CYP4F11: variants seen among roughly 807,000 people sequenced by gnomAD.
CYP4F11 encodes the protein cytochrome P450 family 4 subfamily F member 11.
Under a neutral mutation model 62.2 loss-of-function variants are expected in CYP4F11, and 79 were observed. The ratio of observed to expected loss-of-function variants is 1.27; its 90% CI spans 1.06 to 1.53. The LOEUF (loss-of-function observed/expected upper bound fraction) is 1.53, where lower values mean the gene tolerates loss of function less well. Among genes scored for constraint, CYP4F11 ranks in the 40% most tolerant of loss-of-function variants. The probability of loss-of-function intolerance (pLI) is 0.00; values close to 1 mark genes in which losing one functional copy is unlikely to be tolerated. For missense variants in CYP4F11, 777 were observed against 680.5 expected (o/e 1.14, Z -1.58); for synonymous variants, 290 against 263.7 (o/e 1.10, Z -0.97).
At chr19:15,920,405 G>A (rs1355718021) in intron 8 of CYP4F11, among the ~76,000 whole-genome samples, 2 of 152,186 alleles carry the variant, frequency 1.3e-5, no homozygotes, top group Non-Finnish European at 2.9e-5. Flanking sequence ...GAAAACCATT[G>A]ATGATGGAAA....
chr19:15,926,220 G>A (rs969710254), intron 4 of CYP4F11, among the ~76,000 whole-genome samples: 18 of 151,312 alleles, frequency 1.2e-4, no homozygotes, highest in African/African-American at 2.2e-4. Context: ...TCCATGCACC[G>A]TACTGCATAA....
At position 15,927,481 on chromosome 19, in the gene CYP4F11, C is replaced by T. The variant is rs746553447; in HGVS notation, c.346G>A (p.Ala116Thr). ...AAAATCATATCCTTGGGTGCGACAGCAGCTGACATGATTGAGGACCATCAG... is the reference window on the plus strand; with the variant it reads ...AAAATCATATCCTTGGGTGCGACAGTAGCTGACATGATTGAGGACCATCAG... ...IIRPITSASA[A>T]VAPKDMIFYG... Residue 116 changes from alanine to threonine, a missense_variant and splice_region_variant, in exon 3 of 12, where the codon GCT becomes ACT. Ala to Thr is a moderately conservative substitution (Grantham distance 58). Coordinates refer to ENST00000402119, the MANE Select transcript of CYP4F11 (RefSeq NM_021187.4). The T allele has an allele frequency of 6.2e-7, 1 of 1,614,132 alleles. No homozygotes were observed. Among genetic ancestry groups the T allele is most frequent in the Non-Finnish European group, 8.5e-7 (1 of 1,180,030 alleles).
Position 15,934,290 on chromosome 19 carries a change from G to C in CYP4F11, c.119C>G (p.Thr40Ser). 6.2e-7 allele frequency: 1 copy of C among 1,613,864 alleles called. No individual in the cohort carries two copies. The highest frequency in any genetic ancestry group is 8.5e-7 in the Non-Finnish European group (1 of 1,179,846). Reference sequence around the variant, plus strand: ...GAGGCGGCGGCAGTTGTCATAGAAGGTGTAGGTCCAGGCCAGGACGCGGGC... The same window carrying C: ...GAGGCGGCGGCAGTTGTCATAGAAGCTGTAGGTCCAGGCCAGGACGCGGGC... ...LLARVLAWTY[T>S]FYDNCRRLQC... is the part of the protein sequence containing the mutation. Residue 40 changes from threonine (T) to serine (S), a missense_variant, in exon 1 of 12, where the codon ACC becomes AGC. Thr to Ser is a moderately conservative substitution (Grantham distance 58, BLOSUM62 1). Transcript: ENST00000402119.
intron 11 of CYP4F11, 79 bp downstream of exon 11, chr19:15,914,226 G>T: frequency 1.3e-6 from 2 of 1,488,966 alleles, no homozygotes; most frequent in Non-Finnish European, 1.8e-6. Flanking sequence ...AGCTGGAACT[G>T]GGACCATCTG....
At chr19:15,924,176 T>A (rs1049836225) in intron 5 of CYP4F11, 94 bp from the exon 6 acceptor site, 8 of 1,462,588 alleles carry the variant, frequency 5.5e-6, no homozygotes, top group Admixed American at 2.0e-5. Flanking sequence ...AAATTGAGTA[T>A]CCAGAAACAG....
rs1568257268 is a variant in CYP4F11, at chr19:15,931,543, G to GGAGAAGAATGAGTGAGTGA, written c.199-1943_199-1942insTCACTCACTCATTCTTCTC. ...GGCACATCAGAGGAATGAGTGAGCGGGGAGAGGAATGAGTGAGCGAGGAGA... is the reference window on the plus strand; with the variant it reads ...GGCACATCAGAGGAATGAGTGAGCGGGAGAAGAATGAGTGAGTGAGGAGAGGAATGAGTGAGCGAGGAGA... On this transcript the variant is annotated intron_variant, in intron 1 of 11. Coordinates refer to ENST00000402119, the MANE Select transcript of CYP4F11 (RefSeq NM_021187.4). Among the ~76,000 whole-genome samples the GGAGAAGAATGAGTGAGTGA allele has an allele frequency of 4.5e-4, 31 of 68,806 alleles. 1 individual carries two copies. Among genetic ancestry groups the GGAGAAGAATGAGTGAGTGA allele is most frequent in the Admixed American group, 1.8e-3 (12 of 6,594 alleles). The allele number at this position is 68,806 out of a possible 152,430, so 45.1% of individuals were successfully genotyped here. A position where few individuals can be genotyped will look rare whatever the true frequency, so the allele number is the denominator to read the frequency against.
intron 2 of CYP4F11, among the ~76,000 whole-genome samples, chr19:15,928,924 TAGTACCA>T (rs1378299573): frequency 6.6e-6 from 1 of 152,164 alleles, no homozygotes; most frequent in East Asian, 1.9e-4. Context: ...CAAATCCCCC[TAGTACCA>T]TAGGCTTAGG....
intron 11 of CYP4F11, 133 bp downstream of exon 11, chr19:15,914,172 T>G: frequency 1.6e-6 from 2 of 1,223,634 alleles, no homozygotes; most frequent in Admixed American, 2.1e-5. Flanking sequence ...AAACCCATTC[T>G]GTGAACAGTT....
Position 15,914,788 on chromosome 19 carries a change from A to C in CYP4F11, c.1223T>G (p.Leu408Arg), listed in dbSNP as rs749399448. The C allele has an allele frequency of 3.7e-6, 6 of 1,613,990 alleles. No individual in the cohort carries two copies. In the African/African-American group the frequency reaches 6.7e-5, roughly 18 times the overall value. The change falls in exon 9 of 12, where the codon CTC becomes CGC. Residue 408 changes from leucine (L) to arginine (R), a missense_variant. Coordinates refer to ENST00000402119, the MANE Select transcript of CYP4F11 (RefSeq NM_021187.4). ...ISRCCTQDFV[L>R]PDGRVIPKGI... is the part of the protein sequence containing the mutation. ...TTTGGGGATGACGCGGCCGTCTGGG[A>C]GCACAAAGTCCTGCGTGCAACATCG...
chr19:15,931,175 C>T (rs1224070302), intron 1 of CYP4F11, among the ~76,000 whole-genome samples: 1 of 151,842 alleles, frequency 6.6e-6, no homozygotes, highest in Admixed American at 6.6e-5. Flanking sequence ...AAGGTGCCTC[C>T]AGAAAAGGAG....
rs1568482701 is a variant in CYP4F11 at position 15,921,073 on chromosome 19, TCTCTCTCTC to T, written c.1115+955_1115+963del. On this transcript the variant is annotated intron_variant, in intron 8 of 11. Transcript: ENST00000402119. ...CTTTCTGTCTCTCTCTCTCTCTCTC[TCTCTCTCTC>T]TCTCTCTCTCTCTCTCTCTCTCCCT... 4.1e-4 allele frequency among the ~76,000 whole-genome samples: 4 copies of T among 9,818 alleles called. 1 individual carries two copies. The highest frequency in any genetic ancestry group is 7.5e-4 in the Non-Finnish European group (3 of 3,984). 6.4% of individuals were successfully genotyped at this position (9,818 alleles called of 152,430 possible). A position where few individuals can be genotyped will look rare whatever the true frequency, so the allele number is the denominator to read the frequency against.
At chr19:15,918,933 TA>T (rs34830276) in intron 8 of CYP4F11, among the ~76,000 whole-genome samples, 50,381 of 127,766 alleles carry the variant, frequency 0.39, 8,897 homozygotes, top group Non-Finnish European at 0.44. Context: ...TATGCCATGC[TA>T]AAAAAAAAAA....
rs145256760 is a variant in CYP4F11 at position 15,933,863 on chromosome 19, A to G, written c.198+348T>C. On this transcript the variant is annotated intron_variant, in intron 1 of 11. Coordinates refer to ENST00000402119, the MANE Select transcript of CYP4F11 (RefSeq NM_021187.4). Reference sequence around the variant, plus strand: ...GAGTGAGGAGAGGAATGAGTGAGTGAGCAGAGGAATGAGTGAGCGAGAAGA... The same window carrying G: ...GAGTGAGGAGAGGAATGAGTGAGTGGGCAGAGGAATGAGTGAGCGAGAAGA... 1.2e-3 allele frequency among the ~76,000 whole-genome samples: 28 copies of G among 23,822 alleles called. 9 individuals are homozygous for G. Among genetic ancestry groups the G allele is most frequent in the African/African-American group, 2.2e-3 (22 of 9,962 alleles). 15.6% of individuals were successfully genotyped at this position (23,822 alleles called of 152,430 possible).
Position 15,923,894 on chromosome 19 carries a change from G to C in CYP4F11, c.836C>G (p.Pro279Arg). 6.2e-7 allele frequency: 1 copy of C among 1,614,154 alleles called. No homozygotes were observed. The highest frequency in any genetic ancestry group is 8.5e-7 in the Non-Finnish European group (1 of 1,180,030). Residue 279 changes from proline to arginine, a missense_variant, in exon 6 of 12, where the codon CCC (proline) becomes CGC (arginine). By Grantham distance (103) the Pro-to-Arg change is moderately radical. Transcript: ENST00000402119. ...AVIQERRCTLPTQGIDDFLKN... is the reference protein window; with the variant it reads ...AVIQERRCTLRTQGIDDFLKN... ...GAGGAAATCATCAATACCCTGAGTG[G>C]GGAGGGTGCAGCGCCGCTCCTGGAT...
intron 1 of CYP4F11, among the ~76,000 whole-genome samples, chr19:15,930,497 C>T (rs2089704954): frequency 6.6e-6 from 1 of 152,144 alleles, no homozygotes; most frequent in African/African-American, 2.4e-5. Context: ...GAGGCTGAGG[C>T]AGGAGAATCA....
In CYP4F11 at chr19:15,930,316, C is replaced by G. The variant is rs540529580; in HGVS notation, c.199-715G>C. Among the ~76,000 whole-genome samples the G allele has an allele frequency of 4.6e-5, 7 of 152,262 alleles. No individual in the cohort carries two copies. In the East Asian group the frequency reaches 1.4e-3, roughly 29 times the overall value. ...CCAAGATCCAAAGATAATGGCCGGG[C>G]GTGGTGGCTCATGCCTGTAATCCCA... is the stretch of plus-strand genomic sequence containing the variant. On this transcript the variant is annotated intron_variant, in intron 1 of 11. Coordinates refer to ENST00000402119, the MANE Select transcript of CYP4F11 (RefSeq NM_021187.4).
chr19:15,934,253 A>C lies in CYP4F11; in HGVS notation c.156T>G (p.Pro52=). 6.2e-7 allele frequency: 1 copy of C among 1,613,732 alleles called. No homozygotes were observed. Among genetic ancestry groups the C allele is most frequent in the Non-Finnish European group, 8.5e-7 (1 of 1,179,798 alleles). The change falls in exon 1 of 12, where the codon CCT becomes CCG. Residue 52 remains proline (P), a synonymous_variant. Transcript: ENST00000402119. ...AAAACCAGTTCTGTTTCGGGGGTTG[A>C]GGAAAACACTGGAGGCGGCGGCAGT... ...YDNCRRLQCF[P]QPPKQNWFWG...
At position 15,924,035 on chromosome 19, in the gene CYP4F11, A is replaced by G. The variant is rs755060061; in HGVS notation, c.695T>C (p.Val232Ala). Residue 232 changes from valine to alanine, a missense_variant, in exon 6 of 12, where the codon GTA becomes GCA. Coordinates refer to ENST00000402119, the MANE Select transcript of CYP4F11 (RefSeq NM_021187.4). ...GAGAATCTGCTGGTTTCTCTTTTCT[A>G]CAAAGGCACTGAGCTCCAAGATGGC... ...IAAILELSAF[V>A]EKRNQQILLH... 35 of 1,614,042 alleles carry G rather than the reference A, an allele frequency of 2.2e-5. No homozygotes were observed. The highest frequency in any genetic ancestry group is 5.3e-5 in the African/African-American group (4 of 74,914).
At position 15,933,109 on chromosome 19, in the gene CYP4F11, G is replaced by A. The variant is rs1328917588; in HGVS notation, c.198+1102C>T. 2.5e-4 allele frequency among the ~76,000 whole-genome samples: 2 copies of A among 7,986 alleles called. 1 individual carries two copies. The allele number at this position is 7,986 out of a possible 152,430, so 5.2% of individuals were successfully genotyped here. A position where few individuals can be genotyped will look rare whatever the true frequency, so the allele number is the denominator to read the frequency against. On this transcript the variant is annotated intron_variant, in intron 1 of 11. Coordinates refer to ENST00000402119, the MANE Select transcript of CYP4F11 (RefSeq NM_021187.4). ...GGAGAAGAATGAGTGAGTGAGGAGA[G>A]GAATGAGTGAGCGAGGAGAGGAATG...
Sources: gnomAD v4.1 joint callset for allele counts (sites outside exome capture counted in the v4.1 genomes callset) on GRCh38, gnomAD v4.1.1 for gene constraint, MANE v1.5 for transcripts, NCBI Gene and HGNC (gene_info 2026-07-23, HGNC 2026-07-21) for gene names.